AP3S1: variants seen among roughly 807,000 people sequenced by gnomAD.
The protein encoded by AP3S1 is AP-3 complex subunit sigma-1.
AP3S1 carries 12 observed loss-of-function variants against 21.3 expected under a neutral mutation model. The observed-to-expected ratio is 0.56, with a 90% CI of 0.36 to 0.91. The LOEUF is 0.91. Among genes scored for constraint, AP3S1 ranks in the 40% least tolerant of loss-of-function variants. The pLI, the probability that AP3S1 is intolerant of heterozygous loss-of-function variation, is 0.01. For missense variants in AP3S1, 116 were observed against 225.0 expected (o/e 0.52, Z 3.10); for synonymous variants, 48 against 78.4 (o/e 0.61, Z 2.05).
At chr5:115,891,624 G>C (rs1750309854) in intron 3 of AP3S1, among the ~76,000 whole-genome samples, 1 of 152,124 alleles carries the variant, frequency 6.6e-6, no homozygotes, top group Non-Finnish European at 1.5e-5. Flanking sequence ...CCTCTACTAG[G>C]GCAGTGTGGA....
chr5:115,890,063 G>A (rs187475941), intron 3 of AP3S1, among the ~76,000 whole-genome samples: 68 of 150,986 alleles, frequency 4.5e-4, no homozygotes, highest in Admixed American at 2.0e-3. Context: ...GTCTAAGTGC[G>A]TATAATCGTT....
At chr5:115,847,560 A>C (rs1762150641) in intron 1 of AP3S1, among the ~76,000 whole-genome samples, 1 of 152,240 alleles carries the variant, frequency 6.6e-6, no homozygotes, top group Non-Finnish European at 1.5e-5. Context: ...TCAAGGCTGC[A>C]ATGAGCTGAG....
chr5:115,850,391 A>G (rs1762356791), intron 1 of AP3S1, among the ~76,000 whole-genome samples: 1 of 152,244 alleles, frequency 6.6e-6, no homozygotes, highest in Non-Finnish European at 1.5e-5. Context: ...TCATTTTAAC[A>G]GTTGCAAGTG....
In AP3S1 at chr5:115,902,999, A is replaced by G; in HGVS notation, c.453+7A>G. 2 of 406,532 alleles carry G rather than the reference A, an allele frequency of 4.9e-6. No individual in the cohort carries two copies. Among genetic ancestry groups the G allele is most frequent in the Non-Finnish European group, 7.7e-6 (2 of 259,784 alleles). 25.2% of individuals were successfully genotyped at this position (406,532 alleles called of 1,614,324 possible). ...TAAGCTGGAAAAATCTGAGGTAAGA[A>G]TGGAAAATGCTGTAGTTAAGAAGGT... On this transcript the variant is annotated splice_region_variant and intron_variant, in intron 5 of 5. Coordinates refer to ENST00000316788, the MANE Select transcript of AP3S1 (RefSeq NM_001284.4).
At chr5:115,885,683 A>T (rs998510783) in intron 3 of AP3S1, among the ~76,000 whole-genome samples, 1 of 152,200 alleles carries the variant, frequency 6.6e-6, no homozygotes, top group African/African-American at 2.4e-5. Flanking sequence ...ACACCCAGAA[A>T]CAATACTTTA....
intron 2 of AP3S1, among the ~76,000 whole-genome samples, chr5:115,868,511 A>G (rs1028523576): frequency 2.6e-5 from 4 of 152,270 alleles, no homozygotes; most frequent in Non-Finnish European, 5.9e-5. Context: ...TTGCTATTAG[A>G]AGACATAGAA....
chr5:115,848,510 A>G (rs553604813), intron 1 of AP3S1, among the ~76,000 whole-genome samples: 7 of 152,248 alleles, frequency 4.6e-5, no homozygotes, highest in African/African-American at 1.2e-4. Context: ...ATGTGTATAT[A>G]TCTTTCTTTT....
At chr5:115,868,196 A>C (rs1412356583) in intron 2 of AP3S1, among the ~76,000 whole-genome samples, 1 of 152,232 alleles carries the variant, frequency 6.6e-6, no homozygotes, top group Non-Finnish European at 1.5e-5. Flanking sequence ...TTGCCGCATT[A>C]ATATTTTGCT....
At chr5:115,897,690 G>A (rs1015475453) in intron 4 of AP3S1, among the ~76,000 whole-genome samples, 1 of 151,872 alleles carries the variant, frequency 6.6e-6, no homozygotes, top group Non-Finnish European at 1.5e-5. Flanking sequence ...CTCCCGAGTA[G>A]CTGGGACTAC....
intron 1 of AP3S1, among the ~76,000 whole-genome samples, chr5:115,843,269 C>T (rs1282364543): frequency 1.3e-5 from 2 of 152,070 alleles, no homozygotes; most frequent in Non-Finnish European, 2.9e-5. Context: ...CAGATAAGTC[C>T]CAGATGGAAA....
intron 3 of AP3S1, among the ~76,000 whole-genome samples, chr5:115,894,554 AG>A (rs1750585120): frequency 1.3e-5 from 2 of 151,840 alleles, no homozygotes; most frequent in African/African-American, 4.9e-5. Flanking sequence ...AAGCCTGCTG[AG>A]GTGACTCTTC....
intron 3 of AP3S1, among the ~76,000 whole-genome samples, chr5:115,889,634 A>C (rs575813679): frequency 6.6e-6 from 1 of 152,304 alleles, no homozygotes; most frequent in East Asian, 1.9e-4. Flanking sequence ...GAACTGGCAA[A>C]GGTATTTGTA....
At chr5:115,907,251 T>G (rs1259253043) in intron 5 of AP3S1, among the ~76,000 whole-genome samples, 2 of 151,980 alleles carry the variant, frequency 1.3e-5, no homozygotes, top group South Asian at 2.1e-4. Flanking sequence ...CACAGATTTG[T>G]TTTTTTTCCA....
chr5:115,900,613 T>C (rs1751131527), intron 4 of AP3S1, among the ~76,000 whole-genome samples: 1 of 152,222 alleles, frequency 6.6e-6, no homozygotes, highest in African/African-American at 2.4e-5. Context: ...CATTGTTTTA[T>C]GGCCTTTTCA....
At chr5:115,911,598 A>G (rs1352948322) in intron 5 of AP3S1, among the ~76,000 whole-genome samples, 2 of 152,084 alleles carry the variant, frequency 1.3e-5, no homozygotes, top group Non-Finnish European at 2.9e-5. Flanking sequence ...AGTAGACAAC[A>G]TACTTCCTGG....
intron 1 of AP3S1, among the ~76,000 whole-genome samples, chr5:115,851,951 G>A (rs1387996302): frequency 6.6e-6 from 1 of 151,908 alleles, no homozygotes; most frequent in South Asian, 2.1e-4. Flanking sequence ...ACCAATCAAT[G>A]TGGACTTCAA....
chr5:115,865,391 G>T (rs898301240), intron 1 of AP3S1, among the ~76,000 whole-genome samples: 10 of 152,140 alleles, frequency 6.6e-5, no homozygotes, highest in African/African-American at 2.2e-4. Context: ...TGGGGGATCA[G>T]CATCCCTAAC....
intron 3 of AP3S1, among the ~76,000 whole-genome samples, chr5:115,890,393 A>G (rs1219605009): frequency 6.6e-6 from 1 of 152,204 alleles, no homozygotes; most frequent in Non-Finnish European, 1.5e-5. Flanking sequence ...AAAAGAAGCC[A>G]CTCACAAAAG....
chr5:115,856,149 T>C (rs1762783146), intron 1 of AP3S1, among the ~76,000 whole-genome samples: 1 of 152,152 alleles, frequency 6.6e-6, no homozygotes, highest in Non-Finnish European at 1.5e-5. Flanking sequence ...GAAACTATAG[T>C]GTTAGGAAAT....
Sources: allele counts gnomAD v4.1 joint callset (sites outside exome capture counted in the v4.1 genomes callset), GRCh38; gene constraint gnomAD v4.1.1; transcripts MANE v1.5; gene names NCBI Gene and HGNC (gene_info 2026-07-23, HGNC 2026-07-21).